The following BMX variants were observed in gnomAD, a reference collection of about 807,000 sequenced individuals.
BMX encodes the protein BMX non-receptor tyrosine kinase, also known as cytoplasmic tyrosine-protein kinase BMX.
A neutral mutation model predicts 59.2 loss-of-function variants in BMX; 31 were observed. The ratio of observed to expected loss-of-function variants is 0.52; its 90% CI spans 0.39 to 0.71. The LOEUF (loss-of-function observed/expected upper bound fraction) is 0.71. BMX is among the 30% of genes least tolerant of loss of function. BMX has a pLI of 0.00. For synonymous variants in BMX, 185 were observed against 181.0 expected, an observed-to-expected ratio of 1.02 and a Z score of -0.18; for missense variants, 474 against 491.7, an observed-to-expected ratio of 0.96 and a Z score of 0.34.
chrX:15,550,041 T>C (rs771831401), intron 18 of BMX, 44 bp downstream of exon 18: 2 of 1,158,955 alleles, frequency 1.7e-6, no homozygotes, highest in Non-Finnish European at 1.2e-6. Context: ...CTCAGGCACA[T>C]CCGGGGTGAT....
intron 16 of BMX, among the ~76,000 whole-genome samples, chrX:15,544,986 T>G (rs935877320): frequency 1.8e-5 from 2 of 112,101 alleles, no homozygotes; most frequent in Non-Finnish European, 3.8e-5. Flanking sequence ...TGTTCTATTT[T>G]CTCTAATTAA....
At chrX:15,536,502 CAAAAA>C (rs61657459) in intron 13 of BMX, 75 bp downstream of exon 13, 45 of 627,725 alleles carry the variant, frequency 7.2e-5, no homozygotes, top group Admixed American at 2.9e-4. Context: ...AATTTACTGG[CAAAAA>C]AAAAAAAAAA....
intron 9 of BMX, among the ~76,000 whole-genome samples, chrX:15,527,498 C>A (rs942446312): frequency 1.8e-5 from 2 of 109,530 alleles, no homozygotes; most frequent in African/African-American, 3.3e-5. Flanking sequence ...AAATAATTGT[C>A]TCCTAGATGT....
intron 9 of BMX, among the ~76,000 whole-genome samples, chrX:15,527,771 T>C (rs1415008486): frequency 8.9e-6 from 1 of 112,075 alleles, no homozygotes; most frequent in Non-Finnish European, 1.9e-5. Context: ...GAAGATGTGC[T>C]GTACCCTCCA....
intron 1 of BMX, among the ~76,000 whole-genome samples, chrX:15,502,642 A>C (rs1923608442): frequency 8.9e-6 from 1 of 112,130 alleles, no homozygotes; most frequent in African/African-American, 3.2e-5. Flanking sequence ...GATCAACTTT[A>C]ACTTTCCCTC....
At chrX:15,519,172 T>C (rs1467459076) in intron 6 of BMX, among the ~76,000 whole-genome samples, 1 of 111,777 alleles carries the variant, frequency 8.9e-6, no homozygotes, top group Non-Finnish European at 1.9e-5. Flanking sequence ...GGCTTCCCAT[T>C]GGTTCTCTGG....
intron 1 of BMX, among the ~76,000 whole-genome samples, chrX:15,506,950 A>T (rs907657694): frequency 8.8e-6 from 1 of 112,997 alleles, no homozygotes; most frequent in Non-Finnish European, 1.9e-5. Flanking sequence ...CCCTTGGAGG[A>T]CATTTTAGGA....
chrX:15,536,077 G>A (rs920145841), intron 12 of BMX, among the ~76,000 whole-genome samples: 5 of 111,953 alleles, frequency 4.5e-5, no homozygotes, highest in African/African-American at 1.6e-4. Context: ...AAAAAAGAAG[G>A]GGGAGAATTT....
intron 1 of BMX, among the ~76,000 whole-genome samples, chrX:15,507,788 G>T (rs1923796161): frequency 9.0e-6 from 1 of 110,787 alleles, no homozygotes; most frequent in African/African-American, 3.3e-5. Context: ...TCTTATCTTA[G>T]GCATTTACTT....
chrX:15,529,935 C>G, intron 9 of BMX, 38 bp from the exon 10 acceptor site: 1 of 1,156,318 alleles, frequency 8.6e-7, no homozygotes, highest in Non-Finnish European at 1.2e-6. Flanking sequence ...CAATCTAAAA[C>G]TTATTGATTC....
intron 6 of BMX, among the ~76,000 whole-genome samples, chrX:15,521,148 C>T (rs1046180892): frequency 9.0e-6 from 1 of 111,511 alleles, no homozygotes; most frequent in African/African-American, 3.3e-5. Context: ...CTGTATAATC[C>T]ACCCTCAGAT....
chrX:15,534,114 T>C (rs994494582), intron 11 of BMX, 98 bp from the exon 12 acceptor site: 4 of 841,003 alleles, frequency 4.8e-6, no homozygotes, highest in Non-Finnish European at 6.4e-6. Flanking sequence ...GACTTCCCTC[T>C]CCAAAATTTG....
In BMX at chrX:15,511,533, GA is replaced by G. The variant is rs765389495; in HGVS notation, c.325+18del. 1.7e-6 allele frequency: 2 copies of G among 1,179,171 alleles called. No homozygotes were observed. The highest frequency in any genetic ancestry group is 2.3e-6 in the Non-Finnish European group (2 of 873,789). On this transcript the variant is annotated intron_variant, in intron 4 of 18. Coordinates refer to ENST00000348343, the MANE Select transcript of BMX (RefSeq NM_203281.3). ...ATTACAAAAAGGTAATTCAAAAAAA[GA>G]AATGTTGAAAGAGAAAGGTCAAAAA... is the stretch of plus-strand genomic sequence containing the variant.
intron 1 of BMX, among the ~76,000 whole-genome samples, chrX:15,507,728 C>G (rs1460010059): frequency 8.9e-6 from 1 of 111,792 alleles, no homozygotes; most frequent in African/African-American, 3.3e-5. Context: ...TCTTTTAAAT[C>G]TCTTTTGATA....
chrX:15,533,253 T>C (rs771565822), intron 11 of BMX, among the ~76,000 whole-genome samples: 1 of 112,075 alleles, frequency 8.9e-6, no homozygotes, highest in African/African-American at 3.2e-5. Context: ...AGGTAAACTC[T>C]TGTCATGTGG....
At chrX:15,541,370 C>A (rs1433326002) in intron 14 of BMX, among the ~76,000 whole-genome samples, 1 of 109,953 alleles carries the variant, frequency 9.1e-6, no homozygotes, top group African/African-American at 3.3e-5. Flanking sequence ...TGAAAATTAT[C>A]TCATTAAAAA....
chrX:15,514,636 T>C (rs1411111228), intron 4 of BMX, among the ~76,000 whole-genome samples: 1 of 112,199 alleles, frequency 8.9e-6, no homozygotes, highest in African/African-American at 3.2e-5. Flanking sequence ...ATCTTGTAGG[T>C]TTCTCTGTTG....
chrX:15,553,014 A>T (rs181974913), intron 18 of BMX, among the ~76,000 whole-genome samples: 1 of 112,560 alleles, frequency 8.9e-6, no homozygotes, highest in African/African-American at 3.2e-5. Flanking sequence ...AGACAGGAAT[A>T]GTGGAAAAGG....
intron 16 of BMX, among the ~76,000 whole-genome samples, chrX:15,543,532 G>T (rs1170121930): frequency 9.1e-6 from 1 of 110,174 alleles, no homozygotes; most frequent in Non-Finnish European, 1.9e-5. Flanking sequence ...TGGAGAATGG[G>T]GTATCCATCC....
Sources: allele counts gnomAD v4.1 joint callset (sites outside exome capture counted in the v4.1 genomes callset), GRCh38; gene constraint gnomAD v4.1.1; transcripts MANE v1.5; gene names NCBI Gene and HGNC (gene_info 2026-07-23, HGNC 2026-07-21).